The following USP25 variants were observed in gnomAD, a reference collection of about 807,000 sequenced individuals.
The protein encoded by USP25 is ubiquitin specific peptidase 25.
In USP25, 85 loss-of-function variants were observed where a neutral mutation model predicts 158.5. The ratio of observed to expected loss-of-function variants is 0.54; its 90% CI spans 0.45 to 0.64. The LOEUF (loss-of-function observed/expected upper bound fraction) is 0.64, where lower values mean the gene tolerates loss of function less well. Among genes scored for constraint, USP25 ranks in the 30% least tolerant of loss-of-function variants. USP25 has a pLI of 0.00. For missense variants in USP25, 1,242 were observed against 1,327.3 expected, an observed-to-expected ratio of 0.94 and a Z score of 1.00; for synonymous variants, 464 against 460.4, an observed-to-expected ratio of 1.01 and a Z score of -0.10.
chr21:15,731,207 A>G (rs2030857960), intron 1 of USP25, among the ~76,000 whole-genome samples: 1 of 152,090 alleles, frequency 6.6e-6, no homozygotes, highest in African/African-American at 2.4e-5. Context: ...TCATTCTGCT[A>G]TTTTAGATTT....
chr21:15,846,158 A>ATTTTTTT (rs397973617), intron 18 of USP25, among the ~76,000 whole-genome samples: 2 of 23,938 alleles, frequency 8.4e-5, no homozygotes, highest in African/African-American at 3.3e-4. Flanking sequence ...ATATATATAT[A>ATTTTTTT]TTTTTTTTTT....
At chr21:15,792,531 A>G (rs936803688) in intron 5 of USP25, among the ~76,000 whole-genome samples, 11 of 151,636 alleles carry the variant, frequency 7.3e-5, no homozygotes, top group Admixed American at 1.3e-4. Flanking sequence ...TTGGACATGC[A>G]TGCTATTTTT....
At chr21:15,799,530 A>G in intron 5 of USP25, 1 of 338,370 alleles carries the variant, frequency 3.0e-6, no homozygotes. Flanking sequence ...AGTATATTTA[A>G]AAAGTTGTCC....
chr21:15,775,979 T>G (rs1033263154), intron 3 of USP25, among the ~76,000 whole-genome samples: 1 of 152,150 alleles, frequency 6.6e-6, no homozygotes, highest in Non-Finnish European at 1.5e-5. Context: ...TGCTTCTCTG[T>G]GATTTTCAAA....
Position 15,766,142 on chromosome 21 carries a change from G to A in USP25, c.268+1G>A. On this transcript the variant is annotated splice_donor_variant, in intron 3 of 25. Transcript: ENST00000400183. LOFTEE classifies it high-confidence loss of function. This position sits in a 1 kb window ranked among gnomAD's most constrained non-coding sequence, Gnocchi z 4.0. ...AGTGTGGGAAGCCAAGCAGATACAA[G>A]TAAGTTTTCTTTCTTTTCTTATTAT... 1 of 1,583,756 alleles carries A rather than the reference G, an allele frequency of 6.3e-7. No homozygotes were observed. The highest frequency in any genetic ancestry group is 8.5e-7 in the Non-Finnish European group (1 of 1,170,798).
Position 15,808,838 on chromosome 21 carries a change from A to G in USP25, c.810A>G (p.Leu270=). Residue 270 remains leucine (L), a synonymous_variant, in exon 8 of 26, where the codon TTA becomes TTG. Transcript: ENST00000400183. ...QQDVSEFTHK[L]LDWLEDAFQM... is the part of the protein sequence containing the mutation. ...ATGTGAGTGAGTTTACACACAAATT[A>G]TTAGATTGGTTAGAAGATGCCTTCC... The G allele has an allele frequency of 1.2e-6, 2 of 1,610,806 alleles. No homozygotes were observed. Among genetic ancestry groups the G allele is most frequent in the Non-Finnish European group, 1.7e-6 (2 of 1,179,246 alleles).
At chr21:15,871,974 G>T (rs76609497) in intron 23 of USP25, among the ~76,000 whole-genome samples, 16,275 of 142,196 alleles carry the variant, frequency 0.11, 940 homozygotes, top group East Asian at 0.17. Context: ...CTGGGCGACA[G>T]AGCGAGACAC....
At chr21:15,784,913 C>A (rs2035186488) in intron 4 of USP25, among the ~76,000 whole-genome samples, 4 of 151,310 alleles carry the variant, frequency 2.6e-5, no homozygotes, top group South Asian at 4.2e-4. Context: ...TCAGTAGTAA[C>A]CTTGAATGTA....
chr21:15,824,357 T>C (rs923201944), intron 11 of USP25, among the ~76,000 whole-genome samples, 191 bp downstream of exon 11: 2 of 152,216 alleles, frequency 1.3e-5, no homozygotes, highest in Non-Finnish European at 2.9e-5. Flanking sequence ...AATAATGTTA[T>C]AAGGAAATTT....
At chr21:15,863,479 A>G (rs1377607425) in intron 20 of USP25, among the ~76,000 whole-genome samples, 1 of 152,186 alleles carries the variant, frequency 6.6e-6, no homozygotes. Context: ...CAATAATACG[A>G]CTATGCATTT....
At chr21:15,863,369 G>A (rs565838665) in intron 20 of USP25, among the ~76,000 whole-genome samples, 20 of 151,960 alleles carry the variant, frequency 1.3e-4, no homozygotes, top group Non-Finnish European at 2.6e-4. Context: ...TAAAATGTAC[G>A]TACTGTTGGA....
In USP25 at chr21:15,824,944, A is replaced by G; in HGVS notation, c.1209-22A>G. 3.2e-6 allele frequency: 5 copies of G among 1,575,220 alleles called. No homozygotes were observed. The South Asian group carries it at 5.6e-5, about 18-fold the overall frequency. On this transcript the variant is annotated intron_variant, in intron 11 of 25. Transcript: ENST00000400183. ...TACTTTCATGATATTCGGAAATGCT[A>G]ATGATTACCTTTTTCTGATAGATAC...
chr21:15,774,919 C>T (rs1365955678), intron 3 of USP25, among the ~76,000 whole-genome samples: 1 of 152,118 alleles, frequency 6.6e-6, no homozygotes, highest in Non-Finnish European at 1.5e-5. Flanking sequence ...GGCTACAGTA[C>T]AAAAGGCAAA....
intron 20 of USP25, among the ~76,000 whole-genome samples, chr21:15,857,680 T>C (rs1480460892): frequency 2.0e-5 from 3 of 151,392 alleles, no homozygotes; most frequent in Non-Finnish European, 2.9e-5. Context: ...ATAATTTGTC[T>C]TTTAAATTTA....
At chr21:15,740,653 T>G (rs543542242) in intron 1 of USP25, among the ~76,000 whole-genome samples, 33 of 121,322 alleles carry the variant, frequency 2.7e-4, no homozygotes, top group African/African-American at 1.5e-3. Flanking sequence ...TTTTTTTTTT[T>G]TTTTTTTTTT....
intron 15 of USP25, 115 bp from the exon 16 acceptor site, chr21:15,831,286 A>C (rs1007522103): frequency 2.9e-5 from 12 of 411,728 alleles, no homozygotes; most frequent in Non-Finnish European, 4.2e-5. Flanking sequence ...TCTCTCATTT[A>C]AAAAAAAAAA....
rs118174288 is a variant in USP25, at chr21:15,744,046, A to G, written c.45+13608A>G. The G allele has an allele frequency of 5.8e-5, 9 of 155,506 alleles. No homozygotes were observed. In the East Asian group the frequency reaches 1.7e-3, roughly 30 times the overall value. 9.6% of individuals were successfully genotyped at this position (155,506 alleles called of 1,614,324 possible). ...TCCATTCTTGCTGGGTGGCGCCAGG[A>G]GGAGAGCACCAGTGTACCTGAGCAT... On this transcript the variant is annotated intron_variant, in intron 1 of 25. Transcript: ENST00000400183.
intron 18 of USP25, among the ~76,000 whole-genome samples, 160 bp from the exon 19 acceptor site, chr21:15,847,503 A>T (rs1469654474): frequency 2.6e-5 from 4 of 152,216 alleles, no homozygotes; most frequent in Non-Finnish European, 5.9e-5. Flanking sequence ...GTATGTGCTT[A>T]AACAGTTTAA....
rs2036208837 is a variant in USP25 at position 15,803,044 on chromosome 21, T to A, written c.643-2077T>A. On this transcript the variant is annotated intron_variant, in intron 6 of 25. Transcript: ENST00000400183. ...AAACAGCAGACAAGTATCTTGAAAG[T>A]CACAAGCTATCAAAGCTCACTAGTG... Among the ~76,000 whole-genome samples the A allele has an allele frequency of 3.3e-5, 5 of 151,628 alleles. No individual in the cohort carries two copies. The South Asian group carries it at 1.0e-3, about 31-fold the overall frequency.
Sources: gnomAD v4.1 joint callset for allele counts (sites outside exome capture counted in the v4.1 genomes callset) on GRCh38, gnomAD v4.1.1 for gene constraint, Gnocchi (gnomAD v3.1) non-coding constraint, MANE v1.5 for transcripts, NCBI Gene and HGNC (gene_info 2026-07-23, HGNC 2026-07-21) for gene names.